The following MEGF6 variants were observed in gnomAD, a reference collection of about 807,000 sequenced individuals.
MEGF6 encodes the protein multiple EGF like domains 6.
A neutral mutation model predicts 207.1 loss-of-function variants in MEGF6; 184 were observed. That is an observed-to-expected ratio of 0.89 (90% confidence interval 0.79 to 1.00). The LOEUF (loss-of-function observed/expected upper bound fraction) is 1.00, where lower values mean the gene tolerates loss of function less well. Ranked by LOEUF, MEGF6 falls within the 50% of genes least tolerant of loss-of-function variation. MEGF6 has a pLI of 0.00. For missense variants in MEGF6, 2,282 were observed against 2,202.9 expected, an observed-to-expected ratio of 1.04 and a Z score of -0.72; for synonymous variants, 1,038 against 910.0, an observed-to-expected ratio of 1.14 and a Z score of -2.53.
rs535171452 is a variant in MEGF6 at position 3,586,360 on chromosome 1, T to C, written c.377-6431A>G. 1.2e-4 allele frequency among the ~76,000 whole-genome samples: 19 copies of C among 152,336 alleles called. No individual in the cohort carries two copies. In the South Asian group the frequency reaches 2.9e-3, roughly 23 times the overall value. ...GAGCATGTATGGGCATGATCGTGAATAGGTGCTCACAGATGTGTGTGCGTA... is the reference window on the plus strand; with the variant it reads ...GAGCATGTATGGGCATGATCGTGAACAGGTGCTCACAGATGTGTGTGCGTA... On this transcript the variant is annotated intron_variant, in intron 3 of 36. Coordinates refer to ENST00000356575, the MANE Select transcript of MEGF6 (RefSeq NM_001409.4).
intron 24 of MEGF6, 87 bp downstream of exon 24, chr1:3,499,051 G>T: frequency 6.5e-7 from 1 of 1,528,560 alleles, no homozygotes. Context: ...CCTCCCCCAG[G>T]CACCAAGTGT....
At chr1:3,511,765 A>G in intron 8 of MEGF6, 78 bp from the exon 9 acceptor site, 2 of 1,546,064 alleles carry the variant, frequency 1.3e-6, no homozygotes, top group Non-Finnish European at 1.8e-6. Flanking sequence ...CCCTACCTCC[A>G]CCCAGCAGCC....
Position 3,611,415 on chromosome 1 carries a change from G to A in MEGF6, c.-147C>T. Reference sequence around the variant, plus strand: ...CCCAAGGTCGCTGCAGGTGCGGAGCGTCCCGGCTTCCCGCCCGCGCCCAAA... The same window carrying A: ...CCCAAGGTCGCTGCAGGTGCGGAGCATCCCGGCTTCCCGCCCGCGCCCAAA... On this transcript the variant is annotated 5_prime_UTR_variant, in exon 1 of 37. In the 5' UTR this introduces an upstream ATG that the reference lacks. Coordinates refer to ENST00000356575, the MANE Select transcript of MEGF6 (RefSeq NM_001409.4). 2 of 1,164,692 alleles carry A rather than the reference G, an allele frequency of 1.7e-6. No individual in the cohort carries two copies. The highest frequency in any genetic ancestry group is 2.2e-6 in the Non-Finnish European group (2 of 900,376). 72.1% of individuals were successfully genotyped at this position (1,164,692 alleles called of 1,614,324 possible).
chr1:3,544,075 G>A (rs1642620787), intron 4 of MEGF6, among the ~76,000 whole-genome samples: 1 of 152,152 alleles, frequency 6.6e-6, no homozygotes, highest in Admixed American at 6.5e-5. Flanking sequence ...ACAGGAGGCG[G>A]GAGTGTGGTC....
rs545888124 is a variant in MEGF6, at chr1:3,488,992, C to G, written c.*1536G>C. 6.6e-6 allele frequency among the ~76,000 whole-genome samples: 1 copy of G among 152,330 alleles called. No homozygotes were observed. Among genetic ancestry groups the G allele is most frequent in the African/African-American group, 2.4e-5 (1 of 41,550 alleles). On this transcript the variant is annotated 3_prime_UTR_variant, in exon 37 of 37. Transcript: ENST00000356575. ...ATTCATCTATCTCTGTACGTTGTCT[C>G]TCTTTACGCCTCCCTGCTATTCCTG...
chr1:3,612,751 G>A (rs938765152), upstream of MEGF6, among the ~76,000 whole-genome samples: 5 of 152,232 alleles, frequency 3.3e-5, no homozygotes, highest in Admixed American at 2.0e-4. Flanking sequence ...GGCTGGGAGG[G>A]GCTTGGGAAG....
Position 3,560,543 on chromosome 1 carries a change from C to T in MEGF6, c.481+19282G>A, listed in dbSNP as rs1479259115. ...CCCAGCAGTGTGTGGCCTTGGACTGCTGTCCTCACTCAGCAACTTGCATTG... is the reference window on the plus strand; with the variant it reads ...CCCAGCAGTGTGTGGCCTTGGACTGTTGTCCTCACTCAGCAACTTGCATTG... On this transcript the variant is annotated intron_variant, in intron 4 of 36. Coordinates refer to ENST00000356575, the MANE Select transcript of MEGF6 (RefSeq NM_001409.4). This position sits in a 1 kb window ranked among gnomAD's most constrained non-coding sequence, Gnocchi z 4.0. Among the ~76,000 whole-genome samples the T allele has an allele frequency of 1.3e-5, 2 of 152,208 alleles. No individual in the cohort carries two copies. The highest frequency in any genetic ancestry group is 4.8e-5 in the African/African-American group (2 of 41,434).
intron 1 of MEGF6, among the ~76,000 whole-genome samples, chr1:3,605,411 C>G (rs1402701511): frequency 6.6e-6 from 1 of 151,930 alleles, no homozygotes; most frequent in African/African-American, 2.4e-5. Flanking sequence ...ATACACACAA[C>G]TCACAATCAC....
intron 17 of MEGF6, among the ~76,000 whole-genome samples, chr1:3,502,308 G>A (rs917358994): frequency 1.8e-4 from 28 of 152,090 alleles, no homozygotes; most frequent in African/African-American, 6.3e-4. Context: ...GAGAGCTCCC[G>A]GGAGCCCGAG....
intron 23 of MEGF6, 146 bp downstream of exon 23, chr1:3,499,442 C>T: frequency 7.1e-7 from 1 of 1,416,422 alleles, no homozygotes; most frequent in East Asian, 2.5e-5. Context: ...AGGACCAACG[C>T]TCTGGCCCGA....
chr1:3,499,609 G>T lies in MEGF6; in HGVS notation c.2944C>A (p.Arg982=), dbSNP rs202226429. The change falls in exon 23 of 37, where the codon CGG becomes AGG. Residue 982 remains arginine (R), a synonymous_variant. Transcript: ENST00000356575. ...NGSCLCPAGR[R]GPRCAETCPA... Reference sequence around the variant, plus strand: ...GCACTCTCGGCACAGCGGGGGCCCCGGCGGCCAGCGGGGCAGAGGCAGGAG... The same window carrying T: ...GCACTCTCGGCACAGCGGGGGCCCCTGCGGCCAGCGGGGCAGAGGCAGGAG... 1 of 1,584,710 alleles carries T rather than the reference G, an allele frequency of 6.3e-7. No homozygotes were observed. The highest frequency in any genetic ancestry group is 8.6e-7 in the Non-Finnish European group (1 of 1,166,584).
chr1:3,612,113 G>A (rs1644336683), upstream of MEGF6, among the ~76,000 whole-genome samples: 1 of 152,208 alleles, frequency 6.6e-6, no homozygotes, highest in East Asian at 1.9e-4. Flanking sequence ...AGCCTCTGCA[G>A]CCCGCGTGCA....
At chr1:3,561,249 C>T (rs1372903414) in intron 4 of MEGF6, among the ~76,000 whole-genome samples, 1 of 152,122 alleles carries the variant, frequency 6.6e-6, no homozygotes. Context: ...AGCTGAGGAG[C>T]AAGGGCTACG....
intron 3 of MEGF6, among the ~76,000 whole-genome samples, chr1:3,593,381 G>A (rs887956250): frequency 7.2e-5 from 11 of 152,194 alleles, no homozygotes; most frequent in South Asian, 2.1e-4. Context: ...GGGGGAACGC[G>A]GCTGCGCACA....
At chr1:3,538,535 A>G in intron 4 of MEGF6, among the ~76,000 whole-genome samples, 1 of 150,670 alleles carries the variant, frequency 6.6e-6, no homozygotes, top group African/African-American at 2.5e-5. Context: ...AACAGGGGGG[A>G]GCCCCCTTCT....
intron 7 of MEGF6, among the ~76,000 whole-genome samples, chr1:3,512,734 G>A (rs1252788463): frequency 6.6e-6 from 1 of 152,224 alleles, no homozygotes; most frequent in Non-Finnish European, 1.5e-5. Context: ...AAGCCATGTG[G>A]AACTGTAAGT....
intron 7 of MEGF6, among the ~76,000 whole-genome samples, chr1:3,514,030 C>G (rs1641447676): frequency 6.6e-6 from 1 of 152,028 alleles, no homozygotes. Flanking sequence ...GGGCGGATCA[C>G]AAGGTCAGGA....
At chr1:3,554,876 A>G (rs1642988448) in intron 4 of MEGF6, among the ~76,000 whole-genome samples, 1 of 152,226 alleles carries the variant, frequency 6.6e-6, no homozygotes, top group Non-Finnish European at 1.5e-5. Context: ...GGCTGTGGAC[A>G]TCGCGGGGCC....
At chr1:3,537,129 G>T (rs1394744274) in intron 4 of MEGF6, among the ~76,000 whole-genome samples, 2 of 152,358 alleles carry the variant, frequency 1.3e-5, no homozygotes, top group East Asian at 3.9e-4. Context: ...CTTCACCCAG[G>T]TTCCTAGGGG....
Sources: allele counts gnomAD v4.1 joint callset (sites outside exome capture counted in the v4.1 genomes callset), GRCh38; gene constraint gnomAD v4.1.1; non-coding constraint Gnocchi (gnomAD v3.1); transcripts MANE v1.5; gene names NCBI Gene and HGNC (gene_info 2026-07-23, HGNC 2026-07-21).